The following BACH2 variants were observed in gnomAD, a reference collection of about 807,000 sequenced individuals.
BACH2 encodes transcription regulator protein BACH2.
A neutral mutation model predicts 61.8 loss-of-function variants in BACH2; 5 were observed. That is an observed-to-expected ratio of 0.08 (90% confidence interval 0.04 to 0.17). The LOEUF is 0.17. BACH2 is among the 10% of genes least tolerant of loss of function. The pLI, the probability that BACH2 is intolerant of heterozygous loss-of-function variation, is 1.00. For missense variants in BACH2, 824 were observed against 1,091.1 expected (o/e 0.76, Z 3.45); for synonymous variants, 446 against 440.1 (o/e 1.01, Z -0.17).
At chr6:90,040,341 C>A (rs1455159743) in intron 5 of BACH2, among the ~76,000 whole-genome samples, 1 of 152,028 alleles carries the variant, frequency 6.6e-6, no homozygotes, top group Non-Finnish European at 1.5e-5. Context: ...TTTTATCACA[C>A]TGATTTGAGA....
intron 5 of BACH2, among the ~76,000 whole-genome samples, chr6:90,073,177 G>A (rs1319233073): frequency 6.6e-6 from 1 of 152,194 alleles, no homozygotes; most frequent in Non-Finnish European, 1.5e-5. Context: ...GAACAATGAA[G>A]ATGAGGCTCC....
chr6:90,122,349 C>T (rs911356158), intron 4 of BACH2, among the ~76,000 whole-genome samples: 3 of 152,182 alleles, frequency 2.0e-5, no homozygotes, highest in African/African-American at 7.2e-5. Context: ...AAAAAAGAGA[C>T]AGGCTTGTGG....
At chr6:90,073,004 T>C (rs917064979) in intron 5 of BACH2, among the ~76,000 whole-genome samples, 1 of 152,206 alleles carries the variant, frequency 6.6e-6, no homozygotes, top group African/African-American at 2.4e-5. Context: ...CCCTGGCTCA[T>C]TTACAACGAT....
intron 6 of BACH2, among the ~76,000 whole-genome samples, chr6:89,976,356 A>G (rs764576139): frequency 5.9e-5 from 9 of 152,228 alleles, no homozygotes; most frequent in Non-Finnish European, 1.0e-4. Context: ...TTACCATCTC[A>G]CTACTGCCTT....
At chr6:90,111,869 T>C (rs1045926500) in intron 4 of BACH2, among the ~76,000 whole-genome samples, 1 of 152,218 alleles carries the variant, frequency 6.6e-6, no homozygotes, top group Non-Finnish European at 1.5e-5. Flanking sequence ...AGACAATACT[T>C]GGAACACATC....
rs537810619 is a variant in BACH2, at chr6:89,942,141, A to T, written c.1837-3791T>A. 1.8e-4 allele frequency among the ~76,000 whole-genome samples: 27 copies of T among 151,284 alleles called. No homozygotes were observed. In the East Asian group the frequency reaches 5.1e-3, roughly 28 times the overall value. ...TTGGTTCCCCCTCTAGCAAGGGAGG[A>T]CTTATGTTCACTGACATGCGGGGGT... is the stretch of plus-strand genomic sequence containing the variant. On this transcript the variant is annotated intron_variant, in intron 7 of 8. Coordinates refer to ENST00000257749, the MANE Select transcript of BACH2 (RefSeq NM_021813.4).
chr6:89,959,314 G>T (rs1200127770), intron 6 of BACH2, among the ~76,000 whole-genome samples: 2 of 152,098 alleles, frequency 1.3e-5, no homozygotes, highest in Non-Finnish European at 2.9e-5. Flanking sequence ...GGAAAATCAT[G>T]TAGGCTCAGT....
intron 5 of BACH2, among the ~76,000 whole-genome samples, chr6:90,070,251 G>C (rs934051894): frequency 5.3e-5 from 8 of 152,240 alleles, no homozygotes; most frequent in Admixed American, 3.9e-4. Context: ...AGGCAATTCT[G>C]TGAAGTGAAC....
intron 2 of BACH2, among the ~76,000 whole-genome samples, chr6:90,262,833 A>G (rs554039706): frequency 1.3e-5 from 2 of 152,240 alleles, no homozygotes; most frequent in Non-Finnish European, 2.9e-5. Context: ...GTTAGTAAGT[A>G]TATAAACTAG....
chr6:90,102,839 T>TAATAATAATAATAAA lies in BACH2; in HGVS notation c.-161-13731_-161-13730insTTTATTATTATTATT, dbSNP rs751278080. On this transcript the variant is annotated intron_variant, in intron 4 of 8. Coordinates refer to ENST00000257749, the MANE Select transcript of BACH2 (RefSeq NM_021813.4). ...ATAATAATAATAATAATAATAATAA[T>TAATAATAATAATAAA]AAAAATAAAAGGACCTTCCATTCAG... Among the ~76,000 whole-genome samples the TAATAATAATAATAAA allele has an allele frequency of 2.9e-4, 36 of 122,218 alleles. 1 individual carries two copies. Among genetic ancestry groups the TAATAATAATAATAAA allele is most frequent in the Non-Finnish European group, 4.3e-4 (25 of 58,104 alleles). 80.2% of individuals were successfully genotyped at this position (122,218 alleles called of 152,430 possible).
intron 3 of BACH2, among the ~76,000 whole-genome samples, chr6:90,215,829 G>C (rs1316604723): frequency 2.6e-5 from 4 of 152,112 alleles, no homozygotes; most frequent in Non-Finnish European, 5.9e-5. Flanking sequence ...GGTAGCCCAG[G>C]CCTTGAGAAA....
rs77624725 is a variant in BACH2, at chr6:90,199,947, G to A, written c.-162+6622C>T. ...GACATAGGCACAGTCTAACTCAGTC[G>A]TTTTCAAACTCATCTCACGGCCCTT... On this transcript the variant is annotated intron_variant, in intron 4 of 8. Transcript: ENST00000257749. 8.9e-3 allele frequency among the ~76,000 whole-genome samples: 1,356 copies of A among 152,250 alleles called. 24 individuals are homozygous for A. The highest frequency in any genetic ancestry group is 0.03 in the African/African-American group (1,260 of 41,534).
In BACH2 at chr6:89,929,293, A is replaced by G. The variant is rs1772512445; in HGVS notation, c.*3115T>C. On this transcript the variant is annotated 3_prime_UTR_variant, in exon 9 of 9. Transcript: ENST00000257749. ...CTGTTCACTCACTTTTCTTTTTCCT[A>G]AAAGGCGTGGGGTTGACAGAGGGAT... The G allele has an allele frequency of 6.6e-6, 1 of 152,376 alleles. No individual in the cohort carries two copies. The highest frequency in any genetic ancestry group is 6.5e-5 in the Admixed American group (1 of 15,298). 9.4% of individuals were successfully genotyped at this position (152,376 alleles called of 1,614,324 possible). A position where few individuals can be genotyped will look rare whatever the true frequency, so the allele number is the denominator to read the frequency against.
In BACH2 at chr6:90,197,642, T is replaced by C. The variant is rs554501409; in HGVS notation, c.-162+8927A>G. ...GAAAAAGGCAGCAGCACACTTTGAG[T>C]ATCCAAAGGGCCTCTTTACTGAGGC... On this transcript the variant is annotated intron_variant, in intron 4 of 8. Coordinates refer to ENST00000257749, the MANE Select transcript of BACH2 (RefSeq NM_021813.4). Among the ~76,000 whole-genome samples, 12 of 152,226 alleles carry C rather than the reference T, an allele frequency of 7.9e-5. No individual in the cohort carries two copies. In the East Asian group the frequency reaches 2.3e-3, roughly 29 times the overall value.
intron 5 of BACH2, among the ~76,000 whole-genome samples, chr6:90,042,405 T>C (rs1159973702): frequency 6.6e-6 from 1 of 151,948 alleles, no homozygotes; most frequent in African/African-American, 2.4e-5. Flanking sequence ...TTGGCCATGT[T>C]GCCCAGGCTG....
chr6:90,020,841 T>A (rs1778332399), intron 5 of BACH2, among the ~76,000 whole-genome samples: 2 of 152,148 alleles, frequency 1.3e-5, no homozygotes. Flanking sequence ...ACCCATGGGA[T>A]CTAAGAATGA....
intron 4 of BACH2, among the ~76,000 whole-genome samples, chr6:90,144,584 C>T (rs915384525): frequency 3.3e-5 from 5 of 152,160 alleles, no homozygotes; most frequent in South Asian, 4.1e-4. Flanking sequence ...TCCTCAGGTT[C>T]GGGAAAGCAC....
chr6:90,173,916 A>G (rs970679419), intron 4 of BACH2, among the ~76,000 whole-genome samples: 13 of 152,182 alleles, frequency 8.5e-5, no homozygotes, highest in African/African-American at 3.1e-4. Context: ...CTTTGAATAA[A>G]GGAGGCTGGG....
chr6:89,954,148 C>T lies in BACH2; in HGVS notation c.244-2286G>A, dbSNP rs1774280387. Among the ~76,000 whole-genome samples, 5 of 152,266 alleles carry T rather than the reference C, an allele frequency of 3.3e-5. 1 individual carries two copies. The South Asian group carries it at 1.0e-3, about 32-fold the overall frequency. On this transcript the variant is annotated intron_variant, in intron 6 of 8. Transcript: ENST00000257749. ...GGTGAAATCAATGCAGAGTTGACCC[C>T]TGCCCTCGTAATGATCCTATGCTCC...
Sources: allele counts gnomAD v4.1 joint callset (sites outside exome capture counted in the v4.1 genomes callset), GRCh38; gene constraint gnomAD v4.1.1; transcripts MANE v1.5; gene names NCBI Gene and HGNC (gene_info 2026-07-23, HGNC 2026-07-21).